KLRG1: variants seen among roughly 807,000 people sequenced by gnomAD.
The protein encoded by KLRG1 is killer cell lectin like receptor G1.
In KLRG1, 16 loss-of-function variants were observed where a neutral mutation model predicts 21.8. The ratio of observed to expected loss-of-function variants is 0.73; its 90% CI spans 0.50 to 1.11. The LOEUF is 1.11. Among genes scored for constraint, KLRG1 ranks in the 50% most tolerant of loss-of-function variants. The pLI is 0.00. For missense variants in KLRG1, 173 were observed against 218.3 expected, an observed-to-expected ratio of 0.79 and a Z score of 1.31; for synonymous variants, 69 against 75.9, an observed-to-expected ratio of 0.91 and a Z score of 0.47.
chr12:9,173,809 C>T, the KLRG1 span, among the ~76,000 whole-genome samples: 3 of 152,124 alleles, frequency 2.0e-5, no homozygotes, highest in Admixed American at 6.6e-5. Context: ...AGACCAATAA[C>T]GAGTTCTGAA....
chr12:9,072,895 G>T, the KLRG1 span: 1 of 1,595,616 alleles, frequency 6.3e-7, no homozygotes, highest in Non-Finnish European at 8.6e-7. Flanking sequence ...ATGAGTGAGA[G>T]AACCCATTGG....
At chr12:9,198,922 C>G in the KLRG1 span, among the ~76,000 whole-genome samples, 1 of 152,140 alleles carries the variant, frequency 6.6e-6, no homozygotes, top group Non-Finnish European at 1.5e-5. Flanking sequence ...AATATTTAGG[C>G]TGGCATATTC....
chr12:9,120,279 A>G, the KLRG1 span, among the ~76,000 whole-genome samples: 1 of 152,222 alleles, frequency 6.6e-6, no homozygotes, highest in African/African-American at 2.4e-5. Context: ...GGAGCACACA[A>G]TTTGAACCAG....
At chr12:9,106,425 T>C in the KLRG1 span, 2 of 1,430,554 alleles carry the variant, frequency 1.4e-6, no homozygotes, top group Non-Finnish European at 9.8e-7. Flanking sequence ...CAACTTACAA[T>C]TCATTATTTG....
chr12:9,150,631 T>C, the KLRG1 span: 1 of 1,546,250 alleles, frequency 6.5e-7, no homozygotes, highest in Non-Finnish European at 8.9e-7. Flanking sequence ...TGTTTCATTT[T>C]TCTTTCACTC....
At chr12:9,115,700 A>T in the KLRG1 span, 2 of 1,246,104 alleles carry the variant, frequency 1.6e-6, no homozygotes, top group African/African-American at 1.5e-5. Context: ...AATGATATAA[A>T]GAAAAATCTG....
chr12:9,196,945 G>T, the KLRG1 span: 1 of 1,218,198 alleles, frequency 8.2e-7, no homozygotes, highest in Non-Finnish European at 1.2e-6. Context: ...CCTCTTTCTA[G>T]TTAGTAAAAT....
chr12:9,192,251 C>A, the KLRG1 span: 1 of 1,613,944 alleles, frequency 6.2e-7, no homozygotes, highest in Non-Finnish European at 8.5e-7. Flanking sequence ...CTCCCTTAGC[C>A]ATGATCTGAA....
chr12:9,077,237 G>A, the KLRG1 span: 1 of 1,094,140 alleles, frequency 9.1e-7, no homozygotes, highest in African/African-American at 1.6e-5. Flanking sequence ...GCATTGCATA[G>A]AAAGAAAGCT....
the KLRG1 span, among the ~76,000 whole-genome samples, chr12:9,030,770 C>A: frequency 6.6e-6 from 1 of 152,244 alleles, no homozygotes; most frequent in Non-Finnish European, 1.5e-5. Context: ...ACCACAATAA[C>A]ACAAATGCTG....
chr12:9,188,860 G>A, the KLRG1 span, among the ~76,000 whole-genome samples: 7 of 152,020 alleles, frequency 4.6e-5, no homozygotes, highest in African/African-American at 7.2e-5. Flanking sequence ...ATAAAACACC[G>A]CTCAAAGAAA....
the KLRG1 span, chr12:9,064,330 A>C: frequency 6.5e-6 from 1 of 153,402 alleles, no homozygotes; most frequent in African/African-American, 2.4e-5. This position sits in a 1 kb window ranked among gnomAD's most constrained non-coding sequence, Gnocchi z 4.0. Context: ...CCATCACGCC[A>C]GCTGCAGCAG....
the KLRG1 span, among the ~76,000 whole-genome samples, chr12:9,053,639 T>A: frequency 6.6e-6 from 1 of 152,160 alleles, no homozygotes; most frequent in African/African-American, 2.4e-5. Context: ...TAAACCCAGC[T>A]TGCAGCACAC....
the KLRG1 span, chr12:9,077,257 C>CT: frequency 7.3e-6 from 9 of 1,241,214 alleles, no homozygotes; most frequent in South Asian, 1.4e-5. Context: ...TGATGCTTTG[C>CT]TTTTAATAGG....
the KLRG1 span, among the ~76,000 whole-genome samples, chr12:9,055,942 C>T: frequency 6.6e-6 from 1 of 152,110 alleles, no homozygotes; most frequent in African/African-American, 2.4e-5. Context: ...GGAAACCTTC[C>T]AGGAAGTTAG....
chr12:9,108,470 T>C, the KLRG1 span, among the ~76,000 whole-genome samples: 1 of 152,208 alleles, frequency 6.6e-6, no homozygotes, highest in Non-Finnish European at 1.5e-5. Flanking sequence ...AAATATGTCA[T>C]AGACAATTGC....
chr12:9,151,362 T>C, the KLRG1 span, among the ~76,000 whole-genome samples: 1 of 152,238 alleles, frequency 6.6e-6, no homozygotes, highest in Non-Finnish European at 1.5e-5. Context: ...CTTTTTTCTA[T>C]TGATTTTGTA....
chr12:9,110,097 TATCTATGG>T, the KLRG1 span: 1 of 1,532,508 alleles, frequency 6.5e-7, no homozygotes, highest in Non-Finnish European at 8.8e-7. Context: ...TAATAAAAGA[TATCTATGG>T]AAACCCTAAG....
the KLRG1 span, among the ~76,000 whole-genome samples, chr12:9,124,535 G>A: frequency 6.6e-6 from 1 of 152,250 alleles, no homozygotes; most frequent in Non-Finnish European, 1.5e-5. Flanking sequence ...CTGAGCCAGA[G>A]AGAGCCCGGG....
Sources: gnomAD v4.1 joint callset for allele counts (sites outside exome capture counted in the v4.1 genomes callset) on GRCh38, gnomAD v4.1.1 for gene constraint, Gnocchi (gnomAD v3.1) non-coding constraint, MANE v1.5 for transcripts, NCBI Gene and HGNC (gene_info 2026-07-23, HGNC 2026-07-21) for gene names.